CELF2: variants seen among roughly 807,000 people sequenced by gnomAD.
CELF2 encodes the protein CUGBP Elav-like family member 2.
In CELF2, 8 loss-of-function variants were observed where a neutral mutation model predicts 62.6. The ratio of observed to expected loss-of-function variants is 0.13; its 90% CI spans 0.07 to 0.23. The LOEUF (loss-of-function observed/expected upper bound fraction) is 0.23. CELF2 is among the 10% of genes least tolerant of loss of function. CELF2 has a pLI of 1.00. For synonymous variants in CELF2, 258 were observed against 250.0 expected (o/e 1.03, Z -0.30); for missense variants, 333 against 671.0 (o/e 0.50, Z 5.56).
At chr10:10,904,812 T>C (rs1292405760) in intron 1 of CELF2, among the ~76,000 whole-genome samples, 1 of 152,236 alleles carries the variant, frequency 6.6e-6, no homozygotes, top group Non-Finnish European at 1.5e-5. Flanking sequence ...AAACTTCTAA[T>C]GTGCATATAT....
At chr10:10,473,755 A>T in the CELF2 span, among the ~76,000 whole-genome samples, 2 of 152,072 alleles carry the variant, frequency 1.3e-5, no homozygotes, top group Non-Finnish European at 2.9e-5. Flanking sequence ...GTGAGGCTTA[A>T]TTGTACTAAA....
the CELF2 span, among the ~76,000 whole-genome samples, chr10:10,744,147 G>A: frequency 5.3e-5 from 8 of 152,236 alleles, 1 homozygote; most frequent in Middle Eastern, 0.017. Flanking sequence ...TCAAGCCCAT[G>A]TATACGAGTG....
rs2137429086 is a variant in CELF2, at chr10:11,011,104, T to G, written c.53+5664T>G. On this transcript the variant is annotated intron_variant, in intron 1 of 12. Transcript: ENST00000416382. This position sits in a 1 kb window ranked among gnomAD's most constrained non-coding sequence, Gnocchi z 4.6. ...GAATTAAAGCATCCCATGCCTCACT[T>G]CTCTTGGGCTTGAATCTGTATAATG... 1 of 152,116 alleles carries G rather than the reference T, an allele frequency of 6.6e-6. No individual in the cohort carries two copies. Among genetic ancestry groups the G allele is most frequent in the South Asian group, 2.1e-4 (1 of 4,822 alleles). 9.4% of individuals were successfully genotyped at this position (152,116 alleles called of 1,614,324 possible).
chr10:10,811,061 A>G (rs1161626046), intron 1 of CELF2, among the ~76,000 whole-genome samples: 3 of 152,158 alleles, frequency 2.0e-5, no homozygotes, highest in South Asian at 2.1e-4. Context: ...TCCTACAGAC[A>G]TGTGTTCGGA....
intron 2 of CELF2, among the ~76,000 whole-genome samples, chr10:11,196,042 A>T (rs2057381591): frequency 6.6e-6 from 1 of 151,868 alleles, no homozygotes; most frequent in Non-Finnish European, 1.5e-5. Flanking sequence ...GAGAAAAAAA[A>T]AAAAACTGGT....
At chr10:10,939,142 C>T (rs1470270948) in intron 2 of CELF2, among the ~76,000 whole-genome samples, 3 of 72,180 alleles carry the variant, frequency 4.2e-5, no homozygotes, top group Non-Finnish European at 9.1e-5. Context: ...AGCAAGTTAT[C>T]AGTGTGGCCG....
chr10:11,058,459 TGG>T lies in CELF2; in HGVS notation c.74+40297_74+40298del, dbSNP rs371053055. 5.8e-3 allele frequency among the ~76,000 whole-genome samples: 780 copies of T among 135,294 alleles called. 12 individuals carry two copies. Among genetic ancestry groups the T allele is most frequent in the African/African-American group, 0.019 (680 of 35,810 alleles). 88.8% of individuals were successfully genotyped at this position (135,294 alleles called of 152,430 possible). On this transcript the variant is annotated intron_variant, in intron 1 of 12. Coordinates refer to ENST00000633077, the MANE Select transcript of CELF2 (RefSeq NM_001326342.2). ...GTGAGGTACTGTTGGTTTTTTTTGT[TGG>T]TTTTTTTTTTTTTTTTTTTTTTTGT... is the stretch of plus-strand genomic sequence containing the variant.
chr10:11,068,916 G>C (rs899375055), intron 1 of CELF2, among the ~76,000 whole-genome samples: 1 of 152,186 alleles, frequency 6.6e-6, no homozygotes, highest in South Asian at 2.1e-4. Context: ...TTACCACATA[G>C]CTCTGTTGGA....
chr10:11,122,158 A>G (rs905543246), intron 1 of CELF2, among the ~76,000 whole-genome samples: 1 of 152,192 alleles, frequency 6.6e-6, no homozygotes, highest in African/African-American at 2.4e-5. Context: ...GCATAGCACT[A>G]TTCGTTATTT....
chr10:10,768,633 A>T, the CELF2 span, among the ~76,000 whole-genome samples: 7 of 148,676 alleles, frequency 4.7e-5, no homozygotes, highest in African/African-American at 1.7e-4. Context: ...GAGTGCAGTG[A>T]CACGATCTCA....
intron 1 of CELF2, among the ~76,000 whole-genome samples, chr10:11,040,564 G>A (rs1388909380): frequency 6.6e-6 from 1 of 152,098 alleles, no homozygotes; most frequent in African/African-American, 2.4e-5. Flanking sequence ...GGTCTGGTTG[G>A]TCGCTCTGTT....
chr10:11,299,206 C>A (rs1455158437), intron 9 of CELF2, among the ~76,000 whole-genome samples: 1 of 152,268 alleles, frequency 6.6e-6, no homozygotes, highest in Non-Finnish European at 1.5e-5. Context: ...AGGGTCAGGC[C>A]TGAGGCCCCT....
chr10:10,815,223 T>A (rs2056339003), intron 1 of CELF2, among the ~76,000 whole-genome samples: 1 of 152,212 alleles, frequency 6.6e-6, no homozygotes, highest in Non-Finnish European at 1.5e-5. Context: ...GTCACTGATG[T>A]GCTCCTCTTT....
the CELF2 span, among the ~76,000 whole-genome samples, chr10:10,553,061 ACTGGGT>A: frequency 1.3e-5 from 2 of 152,170 alleles, no homozygotes; most frequent in Non-Finnish European, 2.9e-5. Context: ...CATACCAAGG[ACTGGGT>A]AATTTATAAG....
At chr10:11,016,117 A>C (rs2057220195), upstream of CELF2, among the ~76,000 whole-genome samples, 1 of 152,250 alleles carries the variant, frequency 6.6e-6, no homozygotes, top group Admixed American at 6.5e-5. This position sits in a 1 kb window ranked among gnomAD's most constrained non-coding sequence, Gnocchi z 5.2. Flanking sequence ...TAACGTATGG[A>C]AAACCAAGAA....
At chr10:11,229,166 G>A (rs1302766256) in intron 3 of CELF2, among the ~76,000 whole-genome samples, 4 of 152,284 alleles carry the variant, frequency 2.6e-5, no homozygotes, top group Admixed American at 6.5e-5. Flanking sequence ...CGAGCCTGTT[G>A]CTCTTTTCAG....
At chr10:11,189,684 T>A (rs2075842066) in intron 2 of CELF2, among the ~76,000 whole-genome samples, 1 of 152,222 alleles carries the variant, frequency 6.6e-6, no homozygotes, top group South Asian at 2.1e-4. Context: ...CATGAGCTGT[T>A]TTCAGGCAAG....
the CELF2 span, among the ~76,000 whole-genome samples, chr10:10,649,954 A>C: frequency 4.6e-5 from 7 of 151,236 alleles, no homozygotes; most frequent in Non-Finnish European, 8.9e-5. Flanking sequence ...ATTTAGATCG[A>C]TGCCCGAGAC....
chr10:10,782,827 G>T, the CELF2 span, among the ~76,000 whole-genome samples: 4 of 152,206 alleles, frequency 2.6e-5, no homozygotes, highest in Non-Finnish European at 4.4e-5. Flanking sequence ...CCCCTGGTCT[G>T]TGATGAGTCA....
Sources: allele counts gnomAD v4.1 joint callset (sites outside exome capture counted in the v4.1 genomes callset), GRCh38; gene constraint gnomAD v4.1.1; non-coding constraint Gnocchi (gnomAD v3.1); transcripts MANE v1.5; gene names NCBI Gene and HGNC (gene_info 2026-07-23, HGNC 2026-07-21).